Variants in MACF1 observed in about 807,000 individuals in gnomAD.
The protein encoded by MACF1 is microtubule-actin cross-linking factor 1.
Under a neutral mutation model 854.8 loss-of-function variants are expected in MACF1, and 193 were observed. That is an observed-to-expected ratio of 0.23 (90% confidence interval 0.20 to 0.25). The LOEUF (loss-of-function observed/expected upper bound fraction) is 0.25, where lower values mean the gene tolerates loss of function less well. MACF1 is among the 10% of genes least tolerant of loss of function. The probability of loss-of-function intolerance (pLI) is 1.00; values close to 1 mark genes in which losing one functional copy is unlikely to be tolerated. For missense variants in MACF1, 7,722 were observed against 8,929.1 expected, an observed-to-expected ratio of 0.86 and a Z score of 5.45; for synonymous variants, 3,185 against 3,226.7, an observed-to-expected ratio of 0.99 and a Z score of 0.44.
chr1:39,089,598 T>C (rs1192296137), intron 2 of MACF1, among the ~76,000 whole-genome samples: 1 of 152,180 alleles, frequency 6.6e-6, no homozygotes, highest in African/African-American at 2.4e-5. Flanking sequence ...CAGAGAGCCA[T>C]GAGAGCACTA....
At chr1:39,312,281 A>G (rs186284973) in intron 26 of MACF1, among the ~76,000 whole-genome samples, 1 of 152,330 alleles carries the variant, frequency 6.6e-6, no homozygotes, top group Admixed American at 6.5e-5. Context: ...TTTATTTTAA[A>G]ATAATTTCAG....
chr1:39,216,176 T>C (rs558957615), intron 1 of MACF1, among the ~76,000 whole-genome samples: 13 of 152,326 alleles, frequency 8.5e-5, no homozygotes, highest in African/African-American at 3.1e-4. Context: ...AGTGTGTCTT[T>C]CATAAAGCTA....
At chr1:39,415,284 A>G (rs552056566) in intron 58 of MACF1, among the ~76,000 whole-genome samples, 33 of 151,676 alleles carry the variant, frequency 2.2e-4, no homozygotes, top group African/African-American at 6.8e-4. Context: ...AAAACAAGAA[A>G]ATTGGGCTAA....
chr1:39,184,773 C>CT (rs1246132671), intron 2 of MACF1, among the ~76,000 whole-genome samples: 1 of 152,024 alleles, frequency 6.6e-6, no homozygotes, highest in Non-Finnish European at 1.5e-5. Flanking sequence ...AGGTTGGAGG[C>CT]TAAATTAGCC....
At chr1:39,447,021 T>A (rs1216286121) in intron 80 of MACF1, among the ~76,000 whole-genome samples, 1 of 152,232 alleles carries the variant, frequency 6.6e-6, no homozygotes. Flanking sequence ...TAAATTGCTT[T>A]TCATTTAGCT....
At chr1:39,235,555 G>T (rs189734090) in intron 2 of MACF1, among the ~76,000 whole-genome samples, 1 of 152,340 alleles carries the variant, frequency 6.6e-6, no homozygotes, top group African/African-American at 2.4e-5. Flanking sequence ...ACCAAGTCCA[G>T]TTAATCACTT....
At chr1:39,449,529 G>A (rs936076054) in intron 84 of MACF1, among the ~76,000 whole-genome samples, 10 of 151,872 alleles carry the variant, frequency 6.6e-5, no homozygotes, top group African/African-American at 2.4e-4. Context: ...CTCCCGAGTA[G>A]CTGGGACTAC....
At position 39,387,656 on chromosome 1, in the gene MACF1, A is replaced by G; in HGVS notation, c.14814A>G (p.Leu4938=). ...ELRVTLDPVQ[L]ESSLLRSKAM... ...GAGTCACTCTGGATCCAGTGCAGCTAGAGTCCAGTCTCCTAAGATCAAAGG... is the reference window on the plus strand; with the variant it reads ...GAGTCACTCTGGATCCAGTGCAGCTGGAGTCCAGTCTCCTAAGATCAAAGG... The change falls in exon 58 of 101, where the codon CTA becomes CTG. Residue 4938 remains leucine (L), a synonymous_variant. Transcript: ENST00000564288. 1.2e-6 allele frequency: 2 copies of G among 1,614,220 alleles called. No individual in the cohort carries two copies. The highest frequency in any genetic ancestry group is 1.7e-6 in the Non-Finnish European group (2 of 1,180,018).
rs1211719838 is a variant in MACF1, at chr1:39,297,791, A to T, written c.2481+46A>T. The T allele has an allele frequency of 3.1e-6, 5 of 1,604,462 alleles. No individual in the cohort carries two copies. The African/African-American group carries it at 6.7e-5, about 21-fold the overall frequency. ...GATGATTACTTCTGAGAAAGAGAGT[A>T]AACCATATCAGCTGCTGCTGTTTAT... On this transcript the variant is annotated intron_variant, in intron 21 of 100. Transcript: ENST00000564288.
chr1:39,387,206 C>G lies in MACF1; in HGVS notation c.14364C>G (p.Leu4788=). ...EDLAADRINR[L]QAALASTQQF... is the part of the protein sequence containing the mutation. Reference sequence around the variant, plus strand: ...TTTCAGCCGATCGCATTAACAGACTCCAGGCAGCTCTTGCCAGCACCCAGC... The same window carrying G: ...TTTCAGCCGATCGCATTAACAGACTGCAGGCAGCTCTTGCCAGCACCCAGC... The change falls in exon 58 of 101, where the codon CTC becomes CTG. Residue 4788 remains leucine, a synonymous_variant. Coordinates refer to ENST00000564288, the MANE Select transcript of MACF1 (RefSeq NM_001394062.1). The G allele has an allele frequency of 6.2e-7, 1 of 1,613,744 alleles. No homozygotes were observed. Among genetic ancestry groups the G allele is most frequent in the South Asian group, 1.1e-5 (1 of 91,048 alleles).
chr1:39,269,241 C>A, intron 6 of MACF1: 6 of 1,289,890 alleles, frequency 4.7e-6, no homozygotes, highest in Non-Finnish European at 6.1e-6. Flanking sequence ...GCTGCCTTTG[C>A]AAGGAGAGAC....
At chr1:39,152,855 A>AT (rs1553149525) in intron 2 of MACF1, among the ~76,000 whole-genome samples, 1 of 94,890 alleles carries the variant, frequency 1.1e-5, no homozygotes, top group South Asian at 5.2e-4. Context: ...ACTTAAACAA[A>AT]TTAAAAAAAA....
Position 39,486,841 on chromosome 1 carries a change from T to C in MACF1, c.*1047T>C, listed in dbSNP as rs1020561568. The C allele has an allele frequency of 6.6e-6, 1 of 152,594 alleles. No individual in the cohort carries two copies. The highest frequency in any genetic ancestry group is 2.4e-5 in the African/African-American group (1 of 41,442). The allele number at this position is 152,594 out of a possible 1,614,324, so 9.5% of individuals were successfully genotyped here. A position where few individuals can be genotyped will look rare whatever the true frequency, so the allele number is the denominator to read the frequency against. On this transcript the variant is annotated 3_prime_UTR_variant, in exon 101 of 101. Transcript: ENST00000564288. The stretch of plus-strand genomic sequence containing the variant: ...GAAAAGGGGCTGTCTGGGGCTCCTG[T>C]TTTTTAGCTGCTGTTCTTCAGCTCC...
intron 43 of MACF1, 39 bp downstream of exon 43, chr1:39,351,057 G>A: frequency 6.8e-7 from 1 of 1,474,802 alleles, no homozygotes; most frequent in African/African-American, 1.4e-5. Context: ...TTTCAAAAAA[G>A]AAAATTTTGG....
In MACF1 at chr1:39,458,544, A is replaced by T. The variant is rs1050628950; in HGVS notation, c.21196+54A>T. 1.2e-5 allele frequency: 19 copies of T among 1,537,096 alleles called. No individual in the cohort carries two copies. The South Asian group carries it at 1.9e-4, about 15-fold the overall frequency. On this transcript the variant is annotated intron_variant, in intron 90 of 100. Transcript: ENST00000564288. Reference sequence around the variant, plus strand: ...GCTTCATTCCTGCTAATTGAGGATGAGCACTTTCCAAATGCCTATCAAAAA... The same window carrying T: ...GCTTCATTCCTGCTAATTGAGGATGTGCACTTTCCAAATGCCTATCAAAAA...
At chr1:39,364,902 T>C (rs1648554932) in intron 49 of MACF1, among the ~76,000 whole-genome samples, 1 of 152,224 alleles carries the variant, frequency 6.6e-6, no homozygotes, top group Admixed American at 6.5e-5. Flanking sequence ...ATGAAAAAAT[T>C]TATTCATGCT....
chr1:39,110,509 A>G (rs1642372782), intron 2 of MACF1, among the ~76,000 whole-genome samples: 1 of 152,018 alleles, frequency 6.6e-6, no homozygotes, highest in African/African-American at 2.4e-5. Context: ...AACTGCTGAG[A>G]TTACAGGCTT....
At chr1:39,250,500 A>G (rs2148333288) in intron 3 of MACF1, among the ~76,000 whole-genome samples, 1 of 152,116 alleles carries the variant, frequency 6.6e-6, no homozygotes, top group South Asian at 2.1e-4. Flanking sequence ...TTTCCAATCT[A>G]TTGTGAATTT....
At chr1:39,117,561 T>C (rs938714861) in intron 2 of MACF1, among the ~76,000 whole-genome samples, 14 of 151,840 alleles carry the variant, frequency 9.2e-5, no homozygotes, top group African/African-American at 3.4e-4. Flanking sequence ...TGTGTGTGTG[T>C]GTGTGTACTT....
Sources: allele counts gnomAD v4.1 joint callset (sites outside exome capture counted in the v4.1 genomes callset), GRCh38; gene constraint gnomAD v4.1.1; transcripts MANE v1.5; gene names NCBI Gene and HGNC (gene_info 2026-07-23, HGNC 2026-07-21).